Variants in TRAF3IP1 observed in about 807,000 individuals in gnomAD.
TRAF3IP1 encodes TRAF3-interacting protein 1.
TRAF3IP1 carries 53 observed loss-of-function variants against 89.9 expected under a neutral mutation model. That is an observed-to-expected ratio of 0.59 (90% confidence interval 0.47 to 0.74). TRAF3IP1 has a LOEUF of 0.74. Ranked by LOEUF, TRAF3IP1 falls within the 30% of genes least tolerant of loss-of-function variation. The pLI, the probability that TRAF3IP1 is intolerant of heterozygous loss-of-function variation, is 0.00. For missense variants in TRAF3IP1, 806 were observed against 866.1 expected (o/e 0.93, Z 0.87); for synonymous variants, 311 against 322.1 (o/e 0.97, Z 0.37).
Position 238,325,347 on chromosome 2 carries a change from C to T in TRAF3IP1, c.165C>T (p.Asp55=), listed in dbSNP as rs138861670. The stretch of plus-strand genomic sequence containing the variant: ...GTTTCATGAAGGGCCTCTACACAGA[C>T]GCCGAGATGAAGTCTGATAATGTGA... ...MTGFMKGLYT[D]AEMKSDNVKD... Residue 55 remains aspartate (D), a synonymous_variant, in exon 2 of 17, where the codon GAC becomes GAT. Coordinates refer to ENST00000373327, the MANE Select transcript of TRAF3IP1 (RefSeq NM_015650.4). The T allele has an allele frequency of 3.2e-4, 512 of 1,614,100 alleles. 2 individuals are homozygous for T. The African/African-American group carries it at 4.9e-3, about 15-fold the overall frequency.
intron 15 of TRAF3IP1, among the ~76,000 whole-genome samples, chr2:238,357,789 C>G (rs909898634): frequency 3.9e-5 from 6 of 152,166 alleles, no homozygotes; most frequent in Admixed American, 3.9e-4. Flanking sequence ...GTGGAGGTCA[C>G]CTTTGAAGCC....
intron 15 of TRAF3IP1, among the ~76,000 whole-genome samples, chr2:238,370,796 A>G (rs1217141812): frequency 1.3e-5 from 2 of 152,206 alleles, no homozygotes; most frequent in East Asian, 3.8e-4. Context: ...CCAGTTGAAC[A>G]GAAGTTAGAA....
intron 15 of TRAF3IP1, among the ~76,000 whole-genome samples, chr2:238,370,158 CTG>C (rs574445257): frequency 2.6e-4 from 39 of 152,028 alleles, no homozygotes; most frequent in Non-Finnish European, 5.4e-4. Flanking sequence ...ATGTATGTGT[CTG>C]TGTTTGTTAT....
chr2:238,353,046 C>G lies in TRAF3IP1; in HGVS notation c.1575+96C>G. ...TTAGATTTATGTAGACAAAAATGTCCTGTAATTTTTCAGTTAGTTTTCTAC... is the reference window on the plus strand; with the variant it reads ...TTAGATTTATGTAGACAAAAATGTCGTGTAATTTTTCAGTTAGTTTTCTAC... On this transcript the variant is annotated intron_variant, in intron 13 of 16. Coordinates refer to ENST00000373327, the MANE Select transcript of TRAF3IP1 (RefSeq NM_015650.4). The G allele has an allele frequency of 2.0e-6, 3 of 1,524,774 alleles. No individual in the cohort carries two copies. In the Admixed American group the frequency reaches 5.7e-5, roughly 29 times the overall value. 94.5% of individuals were successfully genotyped at this position (1,524,774 alleles called of 1,614,324 possible). A position where few individuals can be genotyped will look rare whatever the true frequency, so the allele number is the denominator to read the frequency against.
At chr2:238,384,415 C>T (rs1700678262) in intron 15 of TRAF3IP1, among the ~76,000 whole-genome samples, 1 of 151,486 alleles carries the variant, frequency 6.6e-6, no homozygotes, top group African/African-American at 2.4e-5. Flanking sequence ...CTCTGTTGGC[C>T]AGGCTGGGGT....
chr2:238,344,968 TTCTG>T (rs1391006138), intron 9 of TRAF3IP1, among the ~76,000 whole-genome samples: 2 of 152,292 alleles, frequency 1.3e-5, no homozygotes, highest in East Asian at 3.9e-4. Context: ...ACCATGATTT[TTCTG>T]TCTGTCATTT....
At chr2:238,343,537 A>G (rs1007072018) in intron 8 of TRAF3IP1, among the ~76,000 whole-genome samples, 1 of 151,678 alleles carries the variant, frequency 6.6e-6, no homozygotes, top group Admixed American at 6.6e-5. Flanking sequence ...ACCTGCCACC[A>G]TGCCTAGCTA....
chr2:238,360,996 T>G (rs1699632283), intron 15 of TRAF3IP1, among the ~76,000 whole-genome samples: 1 of 152,192 alleles, frequency 6.6e-6, no homozygotes, highest in African/African-American at 2.4e-5. Flanking sequence ...TCATATGTTG[T>G]AAATATTTTT....
At chr2:238,348,508 T>C (rs893267522) in intron 10 of TRAF3IP1, among the ~76,000 whole-genome samples, 1 of 152,238 alleles carries the variant, frequency 6.6e-6, no homozygotes, top group African/African-American at 2.4e-5. Context: ...TTGAATTTTA[T>C]TTCTGAAGTA....
chr2:238,340,358 G>A (rs1259492331), intron 8 of TRAF3IP1, among the ~76,000 whole-genome samples: 1 of 152,072 alleles, frequency 6.6e-6, no homozygotes, highest in Non-Finnish European at 1.5e-5. Context: ...TTAGTGCTTC[G>A]AAGAAAAGTC....
At chr2:238,374,860 G>A (rs1700250935) in intron 15 of TRAF3IP1, among the ~76,000 whole-genome samples, 1 of 152,154 alleles carries the variant, frequency 6.6e-6, no homozygotes, top group Non-Finnish European at 1.5e-5. Flanking sequence ...AGTCTTGGGA[G>A]GGTGTATGTG....
chr2:238,326,427 C>T (rs537782839), intron 3 of TRAF3IP1, among the ~76,000 whole-genome samples: 1 of 152,160 alleles, frequency 6.6e-6, no homozygotes, highest in South Asian at 2.1e-4. Flanking sequence ...CCTCTGGTGT[C>T]TGCTTGCCTG....
Position 238,360,043 on chromosome 2 carries a change from C to G in TRAF3IP1, c.1689+3963C>G, listed in dbSNP as rs148647796. ...GACTATCTGATAACTGAGAGGGCTA[C>G]TAAGTGACTAACAGGTGGATGGTGT... On this transcript the variant is annotated intron_variant, in intron 15 of 16. Transcript: ENST00000373327. 1.0e-3 allele frequency among the ~76,000 whole-genome samples: 154 copies of G among 152,258 alleles called. 2 individuals are homozygous for G. The highest frequency in any genetic ancestry group is 3.5e-3 in the African/African-American group (145 of 41,538).
At chr2:238,333,610 G>T (rs767109253) in intron 6 of TRAF3IP1, among the ~76,000 whole-genome samples, 6 of 152,170 alleles carry the variant, frequency 3.9e-5, no homozygotes, top group Admixed American at 3.9e-4. Context: ...TACCTTCTGA[G>T]TTGCTTACAA....
chr2:238,333,455 G>T (rs2241852), intron 6 of TRAF3IP1, among the ~76,000 whole-genome samples: 2,774 of 152,306 alleles, frequency 0.018, 63 homozygotes, highest in African/African-American at 0.054. Flanking sequence ...TCAGGAGGTT[G>T]CAGGGAGATG....
At chr2:238,346,165 C>G (rs535214756) in intron 9 of TRAF3IP1, among the ~76,000 whole-genome samples, 1 of 152,114 alleles carries the variant, frequency 6.6e-6, no homozygotes, top group African/African-American at 2.4e-5. Flanking sequence ...AGCACACGCT[C>G]CAGGCCGCAC....
chr2:238,320,622 G>T lies in TRAF3IP1; in HGVS notation c.-41G>T. 8.0e-7 allele frequency: 1 copy of T among 1,255,768 alleles called. No homozygotes were observed. 77.8% of individuals were successfully genotyped at this position (1,255,768 alleles called of 1,614,324 possible). ...ACCCGGGCTTAGGCTCGGCCAGGCC[G>T]GCTGAGGGGCGCGGGCGGCCAGCGG... On this transcript the variant is annotated 5_prime_UTR_variant, in exon 1 of 17. Coordinates refer to ENST00000373327, the MANE Select transcript of TRAF3IP1 (RefSeq NM_015650.4).
intron 1 of TRAF3IP1, among the ~76,000 whole-genome samples, chr2:238,321,532 G>A (rs2106353397): frequency 6.6e-6 from 1 of 152,288 alleles, no homozygotes. Context: ...GGTCTCTGTA[G>A]CTTTTTCCAC....
intron 15 of TRAF3IP1, among the ~76,000 whole-genome samples, chr2:238,395,217 A>G (rs959923087): frequency 2.0e-5 from 3 of 152,124 alleles, no homozygotes; most frequent in Non-Finnish European, 4.4e-5. Context: ...AGAGAGAGAG[A>G]AGAAAGAAAG....
Sources: allele counts gnomAD v4.1 joint callset (sites outside exome capture counted in the v4.1 genomes callset), GRCh38; gene constraint gnomAD v4.1.1; transcripts MANE v1.5; gene names NCBI Gene and HGNC (gene_info 2026-07-23, HGNC 2026-07-21).